BTBD8: variants seen among roughly 807,000 people sequenced by gnomAD.
BTBD8 encodes the protein BTB/POZ domain-containing protein 8.
Under a neutral mutation model 162.9 loss-of-function variants are expected in BTBD8, and 110 were observed. The observed-to-expected ratio is 0.68, with a 90% CI of 0.58 to 0.79. The LOEUF (loss-of-function observed/expected upper bound fraction) is 0.79, where lower values mean the gene tolerates loss of function less well. Among genes scored for constraint, BTBD8 ranks in the 30% least tolerant of loss-of-function variants. The pLI is 0.00. For missense variants in BTBD8, 1,905 were observed against 2,085.4 expected, an observed-to-expected ratio of 0.91 and a Z score of 1.68; for synonymous variants, 667 against 716.1, an observed-to-expected ratio of 0.93 and a Z score of 1.10.
Position 92,102,555 on chromosome 1 carries a change from C to A in BTBD8, c.430C>A (p.Gln144Lys), listed in dbSNP as rs1251590885. The A allele has an allele frequency of 3.1e-6, 5 of 1,595,900 alleles. No homozygotes were observed. The highest frequency in any genetic ancestry group is 4.3e-6 in the Non-Finnish European group (5 of 1,171,074). Residue 144 changes from glutamine (Q) to lysine (K), a missense_variant, in exon 3 of 18, where the codon CAA (glutamine) becomes AAA (lysine). Gln to Lys is a moderately conservative substitution (Grantham distance 53). Coordinates refer to ENST00000636805, the MANE Select transcript of BTBD8 (RefSeq NM_001376131.1). ...AAAGATAATGGAGATTGGGATATCA[C>A]AAAAGCAACTTGACATCAGTTTTCC... ...RKKIMEIGIS[Q>K]KQLDISFPKC... is the part of the protein sequence containing the mutation.
At chr1:92,134,672 T>A (rs1322668405) in intron 5 of BTBD8, among the ~76,000 whole-genome samples, 3 of 152,138 alleles carry the variant, frequency 2.0e-5, no homozygotes, top group Non-Finnish European at 4.4e-5. Context: ...CTTTTTAATA[T>A]TGCCCATGTC....
At chr1:92,164,811 G>A (rs949064879) in intron 9 of BTBD8, among the ~76,000 whole-genome samples, 18 of 150,506 alleles carry the variant, frequency 1.2e-4, no homozygotes, top group Admixed American at 3.3e-4. Flanking sequence ...ACAGGTGCCC[G>A]CCACCACGCC....
At chr1:92,148,265 C>G (rs1570745309) in intron 9 of BTBD8, among the ~76,000 whole-genome samples, 1 of 152,194 alleles carries the variant, frequency 6.6e-6, no homozygotes, top group South Asian at 2.1e-4. Context: ...CTCCCTTGCT[C>G]ATAATGTTTC....
In BTBD8 at chr1:92,116,055, C is replaced by T. The variant is rs115463006; in HGVS notation, c.662+8054C>T. On this transcript the variant is annotated intron_variant, in intron 4 of 17. Coordinates refer to ENST00000636805, the MANE Select transcript of BTBD8 (RefSeq NM_001376131.1). ...AATTTTGATATATTGTATTTTCACTCAAATAAATGTATTTTCTAATTTTCC... is the reference window on the plus strand; with the variant it reads ...AATTTTGATATATTGTATTTTCACTTAAATAAATGTATTTTCTAATTTTCC... Among the ~76,000 whole-genome samples the T allele has an allele frequency of 7.8e-3, 1,182 of 152,170 alleles. 9 individuals are homozygous for T. The highest frequency in any genetic ancestry group is 0.014 in the Admixed American group (219 of 15,296).
In BTBD8 at chr1:92,184,403, G is replaced by A; in HGVS notation, c.*73G>A. ...CCTATATTATATCCAAATGATAATT[G>A]CATTAGCCGGATATAAACTTTCTTT... On this transcript the variant is annotated 3_prime_UTR_variant, in exon 18 of 18. Coordinates refer to ENST00000636805, the MANE Select transcript of BTBD8 (RefSeq NM_001376131.1). 2.2e-6 allele frequency: 2 copies of A among 897,652 alleles called. No homozygotes were observed. The highest frequency in any genetic ancestry group is 3.3e-6 in the Non-Finnish European group (2 of 601,670). 55.6% of individuals were successfully genotyped at this position (897,652 alleles called of 1,614,324 possible).
intron 5 of BTBD8, among the ~76,000 whole-genome samples, chr1:92,135,768 C>T (rs570940296): frequency 7.9e-5 from 12 of 152,208 alleles, no homozygotes; most frequent in Admixed American, 2.0e-4. Flanking sequence ...GTTCAAATGT[C>T]TAGATTTTGC....
Position 92,184,482 on chromosome 1 carries a change from T to G in BTBD8, c.*152T>G, listed in dbSNP as rs1651027240. On this transcript the variant is annotated 3_prime_UTR_variant, in exon 18 of 18. Transcript: ENST00000636805. ...TAAACATAGTTTATTTATTAATATA[T>G]CACATATAGAAAAATGTTTTTCTAA... 4.1e-6 allele frequency: 2 copies of G among 484,488 alleles called. No individual in the cohort carries two copies. The highest frequency in any genetic ancestry group is 7.5e-5 in the Admixed American group (2 of 26,804). The allele number at this position is 484,488 out of a possible 1,614,324, so 30.0% of individuals were successfully genotyped here. A position where few individuals can be genotyped will look rare whatever the true frequency, so the allele number is the denominator to read the frequency against.
intron 7 of BTBD8, among the ~76,000 whole-genome samples, chr1:92,142,167 T>C (rs1020914666): frequency 2.6e-5 from 4 of 152,188 alleles, no homozygotes; most frequent in Non-Finnish European, 5.9e-5. Context: ...CTTCAGCCTC[T>C]GTAAATAAGG....
intron 7 of BTBD8, among the ~76,000 whole-genome samples, chr1:92,145,314 T>G (rs1453893758): frequency 6.6e-6 from 1 of 152,088 alleles, no homozygotes; most frequent in Non-Finnish European, 1.5e-5. Context: ...AGAGGGGTAT[T>G]AGAAAATCAA....
intron 2 of BTBD8, among the ~76,000 whole-genome samples, chr1:92,092,160 G>C (rs143573418): frequency 4.1e-4 from 62 of 152,176 alleles, no homozygotes; most frequent in African/African-American, 1.3e-3. Context: ...CAGCACTTTG[G>C]GGGGCTGAGG....
At position 92,181,357 on chromosome 1, in the gene BTBD8, A is replaced by G. The variant is rs1193555674; in HGVS notation, c.3674A>G (p.Glu1225Gly). ...METSESPESHETPETPFVGHW... is the reference protein window; with the variant it reads ...METSESPESHGTPETPFVGHW... ...ACATCAGAATCTCCAGAGAGCCATG[A>G]AACTCCAGAAACTCCATTTGTGGGT... is the stretch of plus-strand genomic sequence containing the variant. Residue 1225 changes from glutamate to glycine, a missense_variant, in exon 17 of 18, where the codon GAA becomes GGA. Around this residue, in one of 3 missense-constraint regions of BTBD8, gnomAD observed 1,374 missense variants for 1,442.7 expected, o/e 0.95. Transcript: ENST00000636805. The G allele has an allele frequency of 1.9e-6, 3 of 1,551,670 alleles. No individual in the cohort carries two copies. The East Asian group carries it at 7.3e-5, about 38-fold the overall frequency.
At chr1:92,127,076 A>G (rs1034403318) in intron 4 of BTBD8, among the ~76,000 whole-genome samples, 1 of 152,050 alleles carries the variant, frequency 6.6e-6, no homozygotes, top group Non-Finnish European at 1.5e-5. Flanking sequence ...TGCCAAGCTA[A>G]TTTGCCTGGT....
At chr1:92,094,563 C>T (rs1648398940) in intron 2 of BTBD8, among the ~76,000 whole-genome samples, 1 of 152,154 alleles carries the variant, frequency 6.6e-6, no homozygotes, top group African/African-American at 2.4e-5. Context: ...CTTATTGTAG[C>T]CCTTTGGTGT....
chr1:92,105,175 G>A (rs1248916211), intron 3 of BTBD8, among the ~76,000 whole-genome samples: 5 of 152,050 alleles, frequency 3.3e-5, no homozygotes, highest in South Asian at 2.1e-4. Flanking sequence ...CTTGTGATCC[G>A]CCCGCCTCAG....
chr1:92,115,667 A>G (rs1050562111), intron 4 of BTBD8: 17 of 362,488 alleles, frequency 4.7e-5, no homozygotes, highest in Non-Finnish European at 8.0e-5. Context: ...TCATACTGGA[A>G]CATGTAGACC....
intron 4 of BTBD8, among the ~76,000 whole-genome samples, chr1:92,109,688 A>G (rs761862139): frequency 2.0e-5 from 3 of 152,192 alleles, no homozygotes; most frequent in Non-Finnish European, 4.4e-5. Flanking sequence ...AGACTCAAAC[A>G]TCTTTCTGTT....
rs1257532420 is a variant in BTBD8 at position 92,080,507 on chromosome 1, T to C, written c.-65T>C. On this transcript the variant is annotated 5_prime_UTR_variant, in exon 1 of 18. Transcript: ENST00000636805. Reference sequence around the variant, plus strand: ...GCGTTCGGTCGGAAACGCCCCCTTCTTCCTCCTGGGCGGGGCAAGTGAGGC... The same window carrying C: ...GCGTTCGGTCGGAAACGCCCCCTTCCTCCTCCTGGGCGGGGCAAGTGAGGC... 6.3e-7 allele frequency: 1 copy of C among 1,583,314 alleles called. No homozygotes were observed. Among genetic ancestry groups the C allele is most frequent in the African/African-American group, 1.4e-5 (1 of 72,798 alleles).
In BTBD8 at chr1:92,167,141, G is replaced by A. The variant is rs773076631; in HGVS notation, c.1305+1G>A. Reference sequence around the variant, plus strand: ...TGAAAATTTTGCTCTTCTTTTACAGGTACTATGCCTAAATTATATCCTATA... The same window carrying A: ...TGAAAATTTTGCTCTTCTTTTACAGATACTATGCCTAAATTATATCCTATA... On this transcript the variant is annotated splice_donor_variant, in intron 10 of 17. Transcript: ENST00000636805. LOFTEE classifies it high-confidence loss of function. 1.0e-5 allele frequency: 16 copies of A among 1,550,176 alleles called. No homozygotes were observed. The South Asian group carries it at 1.9e-4, about 18-fold the overall frequency.
rs386367658 is a variant in BTBD8 at position 92,118,803 on chromosome 1, CTT to C, written c.662+10818_662+10819del. Reference sequence around the variant, plus strand: ...CTTATAATTTGGCTTTTCTTTCTTTCTTTTTTTTTTTTTTTTTGCTCTATTTG... The same window carrying C: ...CTTATAATTTGGCTTTTCTTTCTTTCTTTTTTTTTTTTTTTGCTCTATTTG... On this transcript the variant is annotated intron_variant, in intron 4 of 17. Transcript: ENST00000636805. Among the ~76,000 whole-genome samples the C allele has an allele frequency of 7.5e-4, 71 of 95,250 alleles. 2 individuals carry two copies. The South Asian group carries it at 8.1e-3, about 11-fold the overall frequency. The allele number at this position is 95,250 out of a possible 152,430, so 62.5% of individuals were successfully genotyped here.
Sources: allele counts gnomAD v4.1 joint callset (sites outside exome capture counted in the v4.1 genomes callset), GRCh38; gene constraint gnomAD v4.1.1; regional missense constraint gnomAD v4.1.1; transcripts MANE v1.5; gene names NCBI Gene and HGNC (gene_info 2026-07-23, HGNC 2026-07-21).